PAM: variants seen among roughly 807,000 people sequenced by gnomAD.
PAM encodes the protein peptidyl-glycine alpha-amidating monooxygenase.
In PAM, 72 loss-of-function variants were observed where a neutral mutation model predicts 122.1. The observed-to-expected ratio is 0.59, with a 90% CI of 0.49 to 0.72. PAM has a LOEUF of 0.72. Among genes scored for constraint, PAM ranks in the 30% least tolerant of loss-of-function variants. PAM has a pLI of 0.00. For synonymous variants in PAM, 389 were observed against 404.4 expected, an observed-to-expected ratio of 0.96 and a Z score of 0.46; for missense variants, 1,106 against 1,183.7, an observed-to-expected ratio of 0.93 and a Z score of 0.96.
chr5:103,005,624 T>G (rs898609890), intron 18 of PAM, among the ~76,000 whole-genome samples: 25 of 152,256 alleles, frequency 1.6e-4, no homozygotes, highest in Admixed American at 1.6e-3. Flanking sequence ...ACTCTACCCT[T>G]TTGTCCTGAT....
chr5:102,828,025 A>G (rs912030486), intron 1 of PAM, among the ~76,000 whole-genome samples: 4 of 152,082 alleles, frequency 2.6e-5, no homozygotes, highest in Non-Finnish European at 5.9e-5. Flanking sequence ...TTTTGAAACT[A>G]TTCTCAATTC....
chr5:103,025,136 G>A lies in PAM; in HGVS notation c.2491G>A (p.Glu831Lys), dbSNP rs763932104. The change falls in exon 24 of 26, where the codon GAG (glutamate) becomes AAG (lysine). Residue 831 changes from glutamate to lysine, a missense_variant. Transcript: ENST00000438793. The stretch of plus-strand genomic sequence containing the variant: ...GAACTCTTCTTTCCCTGAAGAAGCC[G>A]AGGCAGTTGTTGAAACCAAAATGGA... ...GIEVQEIKEA[E>K]AVVETKMENK... is the part of the protein sequence containing the mutation. 1.9e-5 allele frequency: 31 copies of A among 1,611,680 alleles called. No individual in the cohort carries two copies. The highest frequency in any genetic ancestry group is 5.0e-5 in the Admixed American group (3 of 59,962).
intron 1 of PAM, among the ~76,000 whole-genome samples, chr5:102,766,734 C>G (rs1191405937): frequency 6.6e-6 from 1 of 152,076 alleles, no homozygotes; most frequent in Non-Finnish European, 1.5e-5. Context: ...TTAATTTTAA[C>G]TTGGTCTAAA....
chr5:102,983,036 G>C (rs1332649092), intron 15 of PAM, among the ~76,000 whole-genome samples: 1 of 152,030 alleles, frequency 6.6e-6, no homozygotes, highest in Non-Finnish European at 1.5e-5. Flanking sequence ...GAGTGAAACA[G>C]AAATCCTGGA....
At chr5:102,897,973 G>C (rs1045649163) in intron 3 of PAM, among the ~76,000 whole-genome samples, 1 of 151,428 alleles carries the variant, frequency 6.6e-6, no homozygotes, top group Non-Finnish European at 1.5e-5. Flanking sequence ...ATCTCTATTC[G>C]CAAACAACTA....
At chr5:102,782,057 A>T (rs576909537) in intron 1 of PAM, among the ~76,000 whole-genome samples, 27 of 152,338 alleles carry the variant, frequency 1.8e-4, no homozygotes, top group African/African-American at 6.3e-4. Flanking sequence ...CTTTGAACTG[A>T]ATAAGGATGG....
intron 21 of PAM, among the ~76,000 whole-genome samples, chr5:103,012,717 A>T (rs1311929057): frequency 1.3e-5 from 2 of 152,042 alleles, no homozygotes; most frequent in Non-Finnish European, 2.9e-5. Context: ...TTAGCCAGGC[A>T]TAGTGGTGGG....
chr5:102,904,781 T>C (rs897579811), intron 4 of PAM, among the ~76,000 whole-genome samples: 19 of 151,630 alleles, frequency 1.3e-4, no homozygotes, highest in African/African-American at 4.3e-4. Flanking sequence ...GGACAGACTC[T>C]CTTGATGGCA....
At chr5:102,984,129 C>T (rs1770915208) in intron 15 of PAM, among the ~76,000 whole-genome samples, 1 of 151,772 alleles carries the variant, frequency 6.6e-6, no homozygotes, top group South Asian at 2.1e-4. Flanking sequence ...CAAGTGTTGC[C>T]TCTGCAAAAA....
intron 21 of PAM, among the ~76,000 whole-genome samples, chr5:103,014,863 A>AT (rs1479139764): frequency 6.6e-6 from 1 of 152,184 alleles, no homozygotes; most frequent in Non-Finnish European, 1.5e-5. Flanking sequence ...CCTGTAATCA[A>AT]AGGACAGACT....
intron 1 of PAM, among the ~76,000 whole-genome samples, chr5:102,797,301 A>G (rs892498494): frequency 2.0e-5 from 3 of 152,166 alleles, no homozygotes; most frequent in African/African-American, 4.8e-5. Context: ...TAAAAATCCA[A>G]TGTGAATGCT....
intron 15 of PAM, chr5:102,989,764 G>C (rs1347460073): frequency 6.7e-6 from 1 of 150,090 alleles, no homozygotes; most frequent in Admixed American, 6.6e-5. Context: ...ATTTTATACT[G>C]AATATCCAGA....
chr5:102,880,811 G>A (rs1483122146), intron 3 of PAM, among the ~76,000 whole-genome samples: 1 of 151,872 alleles, frequency 6.6e-6, no homozygotes, highest in African/African-American at 2.4e-5. Context: ...AGTGATACAA[G>A]CTAAAAATAA....
chr5:102,979,987 T>G (rs1018287946), intron 15 of PAM, among the ~76,000 whole-genome samples: 3 of 152,072 alleles, frequency 2.0e-5, no homozygotes, highest in Non-Finnish European at 4.4e-5. Context: ...TTCAACTTTT[T>G]AATCATCTTT....
At chr5:102,983,946 C>G (rs1225445099) in intron 15 of PAM, among the ~76,000 whole-genome samples, 1 of 152,130 alleles carries the variant, frequency 6.6e-6, no homozygotes, top group Non-Finnish European at 1.5e-5. Flanking sequence ...CAAAGTTTTC[C>G]CAGACAAGCA....
At chr5:102,780,400 A>G (rs1214734286) in intron 1 of PAM, among the ~76,000 whole-genome samples, 3 of 152,180 alleles carry the variant, frequency 2.0e-5, no homozygotes, top group Admixed American at 2.0e-4. Flanking sequence ...TCATGTAGTA[A>G]CTTCATTTCT....
At chr5:102,860,461 T>C (rs949146745) in intron 1 of PAM, among the ~76,000 whole-genome samples, 3 of 152,086 alleles carry the variant, frequency 2.0e-5, no homozygotes, top group Non-Finnish European at 4.4e-5. Flanking sequence ...GGTGGGGGAA[T>C]AGCTTGTGTC....
chr5:103,029,722 C>CAG (rs1610946), downstream of PAM: 115,108 of 152,352 alleles, frequency 0.76, 44,203 homozygotes, highest in African/African-American at 0.89. Flanking sequence ...CATTAGCTGT[C>CAG]AGTGTATTTT....
chr5:102,887,010 A>T (rs1793325326), intron 3 of PAM, among the ~76,000 whole-genome samples: 1 of 152,038 alleles, frequency 6.6e-6, no homozygotes, highest in Admixed American at 6.6e-5. Flanking sequence ...TCTTGTTAGG[A>T]CTATATTCTC....
Sources: allele counts gnomAD v4.1 joint callset (sites outside exome capture counted in the v4.1 genomes callset), GRCh38; gene constraint gnomAD v4.1.1; transcripts MANE v1.5; gene names NCBI Gene and HGNC (gene_info 2026-07-23, HGNC 2026-07-21).